The following NCALD variants were observed in gnomAD, a reference collection of about 807,000 sequenced individuals.
NCALD encodes neurocalcin delta.
In NCALD, 10 loss-of-function variants were observed where a neutral mutation model predicts 18.6. That is an observed-to-expected ratio of 0.54 (90% CI 0.33 to 0.91). NCALD has a LOEUF of 0.91. NCALD is among the 40% of genes least tolerant of loss of function. NCALD has a pLI of 0.03. For synonymous variants in NCALD, 88 were observed against 87.4 expected (o/e 1.01, Z -0.04); for missense variants, 184 against 247.6 (o/e 0.74, Z 1.72).
At chr8:101,745,636 T>G (rs1810396763) in intron 1 of NCALD, among the ~76,000 whole-genome samples, 1 of 152,216 alleles carries the variant, frequency 6.6e-6, no homozygotes, top group Admixed American at 6.5e-5. Context: ...AAGTCTGTTC[T>G]GTCCTGCTAT....
chr8:102,113,506 A>C (rs1206304588), intron 1 of NCALD, among the ~76,000 whole-genome samples: 1 of 152,232 alleles, frequency 6.6e-6, no homozygotes, highest in Non-Finnish European at 1.5e-5. Flanking sequence ...TGTTTTTCAA[A>C]TCTCATGTTT....
chr8:101,773,177 C>T (rs899260920), intron 1 of NCALD, among the ~76,000 whole-genome samples: 4 of 152,080 alleles, frequency 2.6e-5, no homozygotes, highest in Admixed American at 6.6e-5. Flanking sequence ...TTTTCCATTC[C>T]ATATCAGGGT....
chr8:101,998,523 C>T (rs912635897), intron 2 of NCALD, among the ~76,000 whole-genome samples: 3 of 152,140 alleles, frequency 2.0e-5, no homozygotes, highest in African/African-American at 7.2e-5. Context: ...GTTTCTCCTA[C>T]CCTCTCCACT....
intron 1 of NCALD, among the ~76,000 whole-genome samples, chr8:101,729,985 T>C (rs1816744322): frequency 6.6e-6 from 1 of 152,148 alleles, no homozygotes; most frequent in Non-Finnish European, 1.5e-5. Context: ...ACATCATTAT[T>C]GAAAAAATCT....
At position 101,738,585 on chromosome 8, in the gene NCALD, G is replaced by GA. The variant is rs1410169326; in HGVS notation, c.-19-18938dup. The stretch of plus-strand genomic sequence containing the variant: ...AAAAAAAAAAAAAGAAGAAGAAGAA[G>GA]AAAAAAAGAAAATATCACCTAGAAC... On this transcript the variant is annotated intron_variant, in intron 1 of 3. Coordinates refer to ENST00000220931, the MANE Select transcript of NCALD (RefSeq NM_032041.3). Among the ~76,000 whole-genome samples, 4 of 147,418 alleles carry GA rather than the reference G, an allele frequency of 2.7e-5. No individual in the cohort carries two copies. The South Asian group carries it at 6.6e-4, about 24-fold the overall frequency.
At chr8:101,743,550 G>A (rs1810302354) in intron 1 of NCALD, among the ~76,000 whole-genome samples, 4 of 152,108 alleles carry the variant, frequency 2.6e-5, no homozygotes, top group Admixed American at 2.6e-4. Context: ...TGGGCACAGG[G>A]GGATGTTGAC....
chr8:101,872,663 T>C, intron 4 of NCALD: 1 of 387,928 alleles, frequency 2.6e-6, no homozygotes, highest in Non-Finnish European at 4.8e-6. Flanking sequence ...GTCAATCAAA[T>C]CTATACCATG....
chr8:102,120,019 A>G (rs552385532), intron 1 of NCALD, among the ~76,000 whole-genome samples: 3 of 152,342 alleles, frequency 2.0e-5, no homozygotes, highest in South Asian at 2.1e-4. Context: ...CTTCACACTA[A>G]GCTCACTAAA....
chr8:102,097,270 A>T (rs1825133052), intron 1 of NCALD, among the ~76,000 whole-genome samples: 1 of 152,232 alleles, frequency 6.6e-6, no homozygotes, highest in African/African-American at 2.4e-5. Context: ...GTGAAAGACA[A>T]AGAATCAGTT....
chr8:101,961,585 C>A lies in NCALD; in HGVS notation c.-156-45727G>T, dbSNP rs9969492. Among the ~76,000 whole-genome samples, 1,377 of 152,176 alleles carry A rather than the reference C, an allele frequency of 9.0e-3. 15 individuals are homozygous for A. The highest frequency in any genetic ancestry group is 0.027 in the Middle Eastern group (8 of 294). On this transcript the variant is annotated intron_variant, in intron 2 of 6. Transcript: ENST00000311028. ...TGCTGGGGTATTTTGGATCTGGTGT[C>A]CATTTGCTAACTATACTTTTATTTT... is the stretch of plus-strand genomic sequence containing the variant.
At chr8:101,755,129 G>A (rs1218054572) in intron 1 of NCALD, among the ~76,000 whole-genome samples, 1 of 152,172 alleles carries the variant, frequency 6.6e-6, no homozygotes, top group Non-Finnish European at 1.5e-5. Flanking sequence ...ATTCTTTGAG[G>A]TGGCACCATC....
chr8:101,929,544 GGGA>G (rs1343251553), intron 2 of NCALD, among the ~76,000 whole-genome samples: 2 of 45,020 alleles, frequency 4.4e-5, no homozygotes, highest in African/African-American at 1.9e-4. Flanking sequence ...GAAAGGAAAG[GGGA>G]GGGGGGAGGG....
chr8:101,994,758 G>C (rs1821175350), intron 2 of NCALD, among the ~76,000 whole-genome samples: 1 of 152,214 alleles, frequency 6.6e-6, no homozygotes, highest in Non-Finnish European at 1.5e-5. Flanking sequence ...AAATAGAATA[G>C]AGTAGTAGCT....
intron 4 of NCALD, among the ~76,000 whole-genome samples, chr8:101,802,848 C>T (rs959453478): frequency 1.4e-5 from 2 of 144,106 alleles, no homozygotes; most frequent in African/African-American, 5.2e-5. Flanking sequence ...TCCCCTTCCA[C>T]GCTGTGGAAG....
At chr8:102,027,437 A>G (rs1822500299) in intron 1 of NCALD, among the ~76,000 whole-genome samples, 1 of 152,204 alleles carries the variant, frequency 6.6e-6, no homozygotes, top group Non-Finnish European at 1.5e-5. Context: ...CCTTTACTTC[A>G]GTTCCCAACC....
chr8:101,806,260 T>C (rs1340310329), intron 4 of NCALD, among the ~76,000 whole-genome samples: 1 of 152,002 alleles, frequency 6.6e-6, no homozygotes, highest in African/African-American at 2.4e-5. Context: ...ATTCCTATAC[T>C]ATATTACCTT....
chr8:101,704,388 G>C (rs1815411232), intron 2 of NCALD, among the ~76,000 whole-genome samples: 1 of 152,192 alleles, frequency 6.6e-6, no homozygotes, highest in Non-Finnish European at 1.5e-5. Flanking sequence ...GTGGGGGGCA[G>C]AGGAGACACC....
At chr8:102,107,096 TA>T (rs148521237) in intron 1 of NCALD, among the ~76,000 whole-genome samples, 16 of 143,938 alleles carry the variant, frequency 1.1e-4, no homozygotes, top group South Asian at 2.2e-4. Flanking sequence ...TTCCAGCCCT[TA>T]AAAAAAAAAC....
At chr8:101,942,754 G>T (rs947895942) in intron 2 of NCALD, among the ~76,000 whole-genome samples, 8 of 152,146 alleles carry the variant, frequency 5.3e-5, no homozygotes, top group Admixed American at 3.3e-4. Context: ...AGAAACTGAG[G>T]CATTGAGAGG....
Sources: gnomAD v4.1 joint callset for allele counts (sites outside exome capture counted in the v4.1 genomes callset) on GRCh38, gnomAD v4.1.1 for gene constraint, MANE v1.5 for transcripts, NCBI Gene and HGNC (gene_info 2026-07-23, HGNC 2026-07-21) for gene names.